HOOK1: variants seen among roughly 807,000 people sequenced by gnomAD.
The protein encoded by HOOK1 is hook microtubule tethering protein 1.
A neutral mutation model predicts 112.8 loss-of-function variants in HOOK1; 60 were observed. The observed-to-expected ratio is 0.53, with a 90% confidence interval of 0.43 to 0.66. The LOEUF is 0.66. HOOK1 is among the 30% of genes least tolerant of loss of function. HOOK1 has a pLI of 0.00. For missense variants in HOOK1, 770 were observed against 856.0 expected (o/e 0.90, Z 1.25); for synonymous variants, 294 against 283.8 (o/e 1.04, Z -0.36).
At chr1:59,828,677 G>T (rs1415558361) in intron 2 of HOOK1, 103 bp from the exon 3 acceptor site, 1 of 836,934 alleles carries the variant, frequency 1.2e-6, no homozygotes, top group Non-Finnish European at 1.9e-6. Flanking sequence ...TGTTATTAAG[G>T]ATAGGCTTTA....
At chr1:59,847,290 C>A in intron 10 of HOOK1, 105 bp downstream of exon 10, 3 of 980,932 alleles carry the variant, frequency 3.1e-6, no homozygotes, top group South Asian at 1.6e-5. Context: ...TCCTGTATAT[C>A]AAGTATTGAT....
At position 59,849,087 on chromosome 1, in the gene HOOK1, T is replaced by G. The variant is rs753238629; in HGVS notation, c.1146T>G (p.His382Gln). The change falls in exon 12 of 22, where the codon CAT becomes CAG. Residue 382 changes from histidine to glutamine, a missense_variant. By Grantham distance (24) the His-to-Gln change is conservative. Coordinates refer to ENST00000371208, the MANE Select transcript of HOOK1 (RefSeq NM_015888.6). The part of the protein sequence containing the change: ...ETYKRQVQDL[H>Q]VKLSSESKRA... ...TCTGACATTAGGTTCAAGATCTTCATGTTAAACTTTCCTCCGAATCCAAGA... is the reference window on the plus strand; with the variant it reads ...TCTGACATTAGGTTCAAGATCTTCAGGTTAAACTTTCCTCCGAATCCAAGA... 1 of 1,606,714 alleles carries G rather than the reference T, an allele frequency of 6.2e-7. No individual in the cohort carries two copies. The highest frequency in any genetic ancestry group is 1.7e-4 in the Middle Eastern group (1 of 6,024).
At chr1:59,847,254 T>G in intron 10 of HOOK1, 69 bp downstream of exon 10, 1 of 1,304,158 alleles carries the variant, frequency 7.7e-7, no homozygotes, top group Non-Finnish European at 1.1e-6. Context: ...GTATTTCATA[T>G]TTTAATCAGG....
chr1:59,870,240 A>G (rs1300641930), intron 20 of HOOK1, among the ~76,000 whole-genome samples: 4 of 152,252 alleles, frequency 2.6e-5, no homozygotes, highest in African/African-American at 9.6e-5. Flanking sequence ...CTGTAACTAT[A>G]AGACTCTGAG....
rs140340086 is a variant in HOOK1 at position 59,820,678 on chromosome 1, A to AT, written c.64-1174dup. ...ACCCTAATTAGATTAGTTGACACCC[A>AT]TTTTTTGCAGAACATTTTGTGCATA... On this transcript the variant is annotated intron_variant, in intron 1 of 21. Transcript: ENST00000371208. Among the ~76,000 whole-genome samples the AT allele has an allele frequency of 5.3e-3, 810 of 152,130 alleles. 4 individuals are homozygous for AT. Among genetic ancestry groups the AT allele is most frequent in the Admixed American group, 7.1e-3 (109 of 15,292 alleles).
At chr1:59,836,001 G>A (rs917775178) in intron 6 of HOOK1, among the ~76,000 whole-genome samples, 12 of 152,008 alleles carry the variant, frequency 7.9e-5, no homozygotes, top group African/African-American at 2.9e-4. Context: ...AGGAAACGCA[G>A]GATAAACAGT....
chr1:59,866,850 T>G (rs1643976467), intron 19 of HOOK1, among the ~76,000 whole-genome samples: 1 of 152,194 alleles, frequency 6.6e-6, no homozygotes, highest in Non-Finnish European at 1.5e-5. Context: ...CCTTTTCCTT[T>G]TTTGCTCCTA....
At chr1:59,860,480 A>G (rs1019688991) in intron 15 of HOOK1, 152 bp downstream of exon 15, 2 of 563,622 alleles carry the variant, frequency 3.5e-6, no homozygotes, top group South Asian at 4.2e-5. Context: ...TTTCATCACT[A>G]TAAGCTTCTC....
chr1:59,854,951 G>A (rs1042185018), intron 12 of HOOK1, among the ~76,000 whole-genome samples: 4 of 152,046 alleles, frequency 2.6e-5, no homozygotes, highest in Admixed American at 6.6e-5. Flanking sequence ...GTAAAACAAC[G>A]ACAACAAGCA....
At position 59,861,053 on chromosome 1, in the gene HOOK1, G is replaced by C. The variant is rs563474082; in HGVS notation, c.1532+725G>C. On this transcript the variant is annotated intron_variant, in intron 15 of 21. Coordinates refer to ENST00000371208, the MANE Select transcript of HOOK1 (RefSeq NM_015888.6). ...GGCCTCCCAAAGTGCTGGGATTACAGGCGTGAGCCACCATGCCTGGCCAAT... is the reference window on the plus strand; with the variant it reads ...GGCCTCCCAAAGTGCTGGGATTACACGCGTGAGCCACCATGCCTGGCCAAT... Among the ~76,000 whole-genome samples the C allele has an allele frequency of 2.0e-4, 30 of 152,122 alleles. No individual in the cohort carries two copies. The East Asian group carries it at 5.2e-3, about 27-fold the overall frequency.
At chr1:59,840,563 T>C (rs2098400537) in intron 8 of HOOK1, among the ~76,000 whole-genome samples, 172 bp downstream of exon 8, 1 of 152,130 alleles carries the variant, frequency 6.6e-6, no homozygotes, top group South Asian at 2.1e-4. Context: ...TTCATAAATA[T>C]TTTTCTCTGA....
At chr1:59,854,034 ATATATTTTTTTTTTTTTTTTT>A (rs1271553335) in intron 12 of HOOK1, among the ~76,000 whole-genome samples, 1 of 17,980 alleles carries the variant, frequency 5.6e-5, no homozygotes, top group Non-Finnish European at 9.0e-5. Flanking sequence ...ATATATATAT[ATATATTTTTTTTTTTTTTTTT>A]TTTTTTTTTT....
intron 12 of HOOK1, among the ~76,000 whole-genome samples, chr1:59,856,474 C>CT (rs879259021): frequency 4.7e-4 from 63 of 133,934 alleles, no homozygotes; most frequent in African/African-American, 6.6e-4. Context: ...CTGTTGACTT[C>CT]TTTTTTTTTT....
intron 2 of HOOK1, among the ~76,000 whole-genome samples, chr1:59,825,975 T>C (rs1024413898): frequency 2.0e-5 from 3 of 152,152 alleles, no homozygotes; most frequent in South Asian, 2.1e-4. Flanking sequence ...GTCCAAAATA[T>C]AGACCACAGT....
intron 10 of HOOK1, 57 bp downstream of exon 10, chr1:59,847,242 G>A: frequency 1.4e-6 from 2 of 1,407,660 alleles, no homozygotes; most frequent in Non-Finnish European, 2.0e-6. Flanking sequence ...TAGTCAATTT[G>A]AGTATTTCAT....
intron 2 of HOOK1, among the ~76,000 whole-genome samples, chr1:59,828,508 A>G (rs2098391536): frequency 6.6e-6 from 1 of 152,178 alleles, no homozygotes; most frequent in Non-Finnish European, 1.5e-5. Flanking sequence ...ACTCATTAAA[A>G]TGTTGGTTTT....
At chr1:59,835,086 A>G (rs2098396602) in intron 5 of HOOK1, among the ~76,000 whole-genome samples, 1 of 152,140 alleles carries the variant, frequency 6.6e-6, no homozygotes, top group Non-Finnish European at 1.5e-5. Context: ...ACACTTTTGT[A>G]TTTTGCTGTA....
Position 59,833,496 on chromosome 1 carries a change from A to G in HOOK1, c.365A>G (p.Gln122Arg). ...CCAGTGGAGCTTGGGAGGTTGCTCCAGCTTATTTTAGGTTGTGCGATCAAC... is the reference window on the plus strand; with the variant it reads ...CCAGTGGAGCTTGGGAGGTTGCTCCGGCTTATTTTAGGTTGTGCGATCAAC... ...SDPVELGRLL[Q>R]LILGCAINCE... The change falls in exon 5 of 22, where the codon CAG (glutamine) becomes CGG (arginine). Residue 122 changes from glutamine to arginine, a missense_variant. By Grantham distance (43) the Gln-to-Arg change is conservative (BLOSUM62 1). Coordinates refer to ENST00000371208, the MANE Select transcript of HOOK1 (RefSeq NM_015888.6). The G allele has an allele frequency of 6.3e-7, 1 of 1,592,122 alleles. No individual in the cohort carries two copies. The highest frequency in any genetic ancestry group is 8.6e-7 in the Non-Finnish European group (1 of 1,165,218).
intron 12 of HOOK1, among the ~76,000 whole-genome samples, chr1:59,852,215 C>T (rs963905431): frequency 1.3e-5 from 2 of 151,624 alleles, no homozygotes; most frequent in African/African-American, 4.8e-5. Context: ...TGGGAAAGTT[C>T]ATGAAAATTG....
Sources: gnomAD v4.1 joint callset for allele counts (sites outside exome capture counted in the v4.1 genomes callset) on GRCh38, gnomAD v4.1.1 for gene constraint, MANE v1.5 for transcripts, NCBI Gene and HGNC (gene_info 2026-07-23, HGNC 2026-07-21) for gene names.